The following RIMS2 variants were observed in gnomAD, a reference collection of about 807,000 sequenced individuals.
The protein encoded by RIMS2 is regulating synaptic membrane exocytosis protein 2.
RIMS2 carries 59 observed loss-of-function variants against 174.4 expected under a neutral mutation model. The ratio of observed to expected loss-of-function variants is 0.34; its 90% CI spans 0.27 to 0.42. The LOEUF (loss-of-function observed/expected upper bound fraction) is 0.42, where lower values mean the gene tolerates loss of function less well. RIMS2 is among the 10% of genes least tolerant of loss of function. The probability of loss-of-function intolerance (pLI) is 1.00; values close to 1 mark genes in which losing one functional copy is unlikely to be tolerated. For missense variants in RIMS2, 1,620 were observed against 1,666.3 expected (o/e 0.97, Z 0.48); for synonymous variants, 606 against 572.5 (o/e 1.06, Z -0.84).
chr8:104,122,276 A>G (rs896661669), intron 19 of RIMS2, among the ~76,000 whole-genome samples: 11 of 152,096 alleles, frequency 7.2e-5, no homozygotes, highest in African/African-American at 2.4e-4. Flanking sequence ...AAGGGGATAT[A>G]TAATGAGATT....
chr8:103,621,332 G>A (rs563901138), intron 1 of RIMS2, among the ~76,000 whole-genome samples: 8 of 152,190 alleles, frequency 5.3e-5, no homozygotes, highest in East Asian at 1.9e-4. Context: ...GGCTGGAACG[G>A]GACCTCACAT....
At chr8:103,521,012 T>C (rs550283303) in intron 1 of RIMS2, among the ~76,000 whole-genome samples, 46 of 151,968 alleles carry the variant, frequency 3.0e-4, no homozygotes, top group Non-Finnish European at 6.5e-4. Flanking sequence ...AACTCATCAT[T>C]TTTTATGGCT....
intron 2 of RIMS2, among the ~76,000 whole-genome samples, chr8:103,730,425 T>A (rs549639043): frequency 6.6e-6 from 1 of 152,188 alleles, no homozygotes; most frequent in African/African-American, 2.4e-5. Context: ...TGTCTCTTTT[T>A]ATAGTTTTTG....
At chr8:103,822,738 A>G (rs1483059893) in intron 3 of RIMS2, among the ~76,000 whole-genome samples, 1 of 151,872 alleles carries the variant, frequency 6.6e-6, no homozygotes, top group Non-Finnish European at 1.5e-5. Flanking sequence ...CACTTGACTC[A>G]CTTGATAGGT....
chr8:103,740,247 C>T (rs1038909396), intron 2 of RIMS2, among the ~76,000 whole-genome samples: 1 of 152,042 alleles, frequency 6.6e-6, no homozygotes, highest in Non-Finnish European at 1.5e-5. Flanking sequence ...CAAGTGGGAA[C>T]GTGAAATGTA....
chr8:103,598,305 T>C (rs2094554486), intron 1 of RIMS2, among the ~76,000 whole-genome samples: 1 of 152,216 alleles, frequency 6.6e-6, no homozygotes, highest in Non-Finnish European at 1.5e-5. Flanking sequence ...AAGCAATTCC[T>C]GATCATACGG....
chr8:103,800,854 G>C (rs1251386924), intron 3 of RIMS2, among the ~76,000 whole-genome samples: 2 of 152,122 alleles, frequency 1.3e-5, no homozygotes, highest in Admixed American at 1.3e-4. Context: ...GTTAGGAAAT[G>C]ATCTTCTATC....
intron 19 of RIMS2, among the ~76,000 whole-genome samples, chr8:104,032,379 T>C (rs968217581): frequency 4.6e-5 from 7 of 152,062 alleles, no homozygotes; most frequent in African/African-American, 1.7e-4. Flanking sequence ...CCTTATTTTT[T>C]TGTGGAGAGA....
rs1220961255 is a variant in RIMS2, at chr8:103,608,265, G to A, written c.177-88821G>A. ...CTGTTGGAGTACTGGGCCCTGTGAG[G>A]TGTCAATCTGCCCCTGCTGGGGGGT... On this transcript the variant is annotated intron_variant, in intron 1 of 23. Transcript: ENST00000504942. Among the ~76,000 whole-genome samples the A allele has an allele frequency of 3.5e-5, 5 of 143,286 alleles. 2 individuals are homozygous for A. The highest frequency in any genetic ancestry group is 1.3e-4 in the African/African-American group (5 of 37,100). 94.0% of individuals were successfully genotyped at this position (143,286 alleles called of 152,430 possible).
At position 103,519,856 on chromosome 8, in the gene RIMS2, C is replaced by T. The variant is rs188747447; in HGVS notation, c.176+18794C>T. Among the ~76,000 whole-genome samples the T allele has an allele frequency of 2.5e-3, 381 of 151,524 alleles. 1 individual carries two copies. Among genetic ancestry groups the T allele is most frequent in the Non-Finnish European group, 2.7e-3 (181 of 67,878 alleles). Reference sequence around the variant, plus strand: ...TCAGGAAAAATTTTCCTCTTAGAAACCCTGTATTCATCTGGTTAGAGCTTA... The same window carrying T: ...TCAGGAAAAATTTTCCTCTTAGAAATCCTGTATTCATCTGGTTAGAGCTTA... On this transcript the variant is annotated intron_variant, in intron 1 of 23. Transcript: ENST00000504942.
downstream of RIMS2, chr8:104,254,254 A>G (rs1029899991): frequency 4.6e-5 from 7 of 151,994 alleles, no homozygotes; most frequent in Admixed American, 6.5e-5. Flanking sequence ...TTAGTCATGT[A>G]ACTAGCACTA....
At position 103,823,979 on chromosome 8, in the gene RIMS2, ATTAT is replaced by A. The variant is rs2098770250; in HGVS notation, c.698+57444_698+57447del. Among the ~76,000 whole-genome samples, 10 of 152,058 alleles carry A rather than the reference ATTAT, an allele frequency of 6.6e-5. No homozygotes were observed. In the South Asian group the frequency reaches 2.1e-3, roughly 31 times the overall value. The stretch of plus-strand genomic sequence containing the variant: ...TATAAAATATTTTTATAACTATAAC[ATTAT>A]TCATTATAGGCATAAAAGCTTATAA... On this transcript the variant is annotated intron_variant, in intron 3 of 23. Coordinates refer to ENST00000504942, the Ensembl canonical transcript of RIMS2.
intron 1 of RIMS2, among the ~76,000 whole-genome samples, chr8:103,507,780 G>A (rs1824397872): frequency 6.6e-6 from 1 of 151,994 alleles, no homozygotes; most frequent in Admixed American, 6.6e-5. Flanking sequence ...GGAAAATTTG[G>A]CTGTAAAAGT....
At chr8:103,692,784 T>C (rs1190729396) in intron 1 of RIMS2, among the ~76,000 whole-genome samples, 3 of 152,194 alleles carry the variant, frequency 2.0e-5, no homozygotes, top group East Asian at 3.9e-4. Flanking sequence ...AAGTCCTTTA[T>C]ACTCTTCCAA....
intron 19 of RIMS2, among the ~76,000 whole-genome samples, chr8:104,095,712 C>T (rs1185407326): frequency 1.3e-5 from 2 of 151,882 alleles, no homozygotes; most frequent in Non-Finnish European, 2.9e-5. Context: ...TCTAGTAGTC[C>T]AGAATTTGAT....
At chr8:103,997,062 C>T (rs989267260) in intron 17 of RIMS2, among the ~76,000 whole-genome samples, 7 of 151,704 alleles carry the variant, frequency 4.6e-5, no homozygotes, top group Admixed American at 6.6e-5. Context: ...ATTCATAAGA[C>T]AGCTTCGAGA....
chr8:103,781,051 T>G (rs2098383165), intron 3 of RIMS2, among the ~76,000 whole-genome samples: 1 of 152,210 alleles, frequency 6.6e-6, no homozygotes. Flanking sequence ...CTGGCAGTGT[T>G]GGGAGGCTGG....
chr8:103,517,763 G>T (rs1829682573), intron 1 of RIMS2, among the ~76,000 whole-genome samples: 1 of 152,034 alleles, frequency 6.6e-6, no homozygotes, highest in Non-Finnish European at 1.5e-5. Context: ...ACTGCATTTT[G>T]CAGGGAGTGT....
At chr8:103,766,079 T>A (rs2098167718) in intron 2 of RIMS2, 148 bp from the exon 6 acceptor site, 2 of 525,742 alleles carry the variant, frequency 3.8e-6, no homozygotes, top group South Asian at 3.3e-5. Context: ...TATATATTAT[T>A]TAATTTACAG....
Sources: allele counts gnomAD v4.1 joint callset (sites outside exome capture counted in the v4.1 genomes callset), GRCh38; gene constraint gnomAD v4.1.1; transcripts MANE v1.5; gene names NCBI Gene and HGNC (gene_info 2026-07-23, HGNC 2026-07-21).